Variants in LMO7 observed in about 807,000 individuals in gnomAD.
The protein encoded by LMO7 is LIM domain only protein 7.
LMO7 carries 120 observed loss-of-function variants against 206.5 expected under a neutral mutation model. That is an observed-to-expected ratio of 0.58 (90% confidence interval 0.50 to 0.68). LMO7 has a LOEUF of 0.68. LMO7 is among the 30% of genes least tolerant of loss of function. The pLI is 0.00. For synonymous variants in LMO7, 706 were observed against 681.5 expected, an observed-to-expected ratio of 1.04 and a Z score of -0.56; for missense variants, 1,959 against 1,957.9, an observed-to-expected ratio of 1.00 and a Z score of -0.01.
chr13:75,740,360 G>C (rs1255812812), intron 3 of LMO7, among the ~76,000 whole-genome samples: 1 of 152,210 alleles, frequency 6.6e-6, no homozygotes, highest in East Asian at 1.9e-4. Context: ...AGGTCAAGGC[G>C]GGAGGATTGC....
At chr13:75,678,139 A>G (rs2040179684) in intron 1 of LMO7, among the ~76,000 whole-genome samples, 1 of 152,090 alleles carries the variant, frequency 6.6e-6, no homozygotes. Context: ...ATGATTTATA[A>G]TCCTTTGGGT....
intron 19 of LMO7, among the ~76,000 whole-genome samples, chr13:75,836,789 A>C (rs761049889): frequency 4.6e-5 from 7 of 152,196 alleles, no homozygotes; most frequent in Non-Finnish European, 8.8e-5. Context: ...TTAGTTAAGC[A>C]TGAAACTATG....
At chr13:75,804,123 C>T in intron 7 of LMO7, 166 bp from the exon 8 acceptor site, 2 of 664,346 alleles carry the variant, frequency 3.0e-6, no homozygotes, top group Admixed American at 5.8e-5. Context: ...CAAGTTCCTC[C>T]TAATGGATCT....
chr13:75,627,140 A>C (rs9573593), intron 2 of LMO7: 2 of 152,330 alleles, frequency 1.3e-5, no homozygotes, highest in East Asian at 3.9e-4. Context: ...ATGGTCCTCC[A>C]ACTTACGATT....
chr13:75,641,886 C>T (rs2036572351), intron 1 of LMO7, among the ~76,000 whole-genome samples: 1 of 151,986 alleles, frequency 6.6e-6, no homozygotes, highest in Non-Finnish European at 1.5e-5. Context: ...TCTCAAACTC[C>T]TGGCCTCAAG....
chr13:75,774,653 A>G (rs1009740667), intron 4 of LMO7, among the ~76,000 whole-genome samples: 3 of 152,106 alleles, frequency 2.0e-5, no homozygotes, highest in African/African-American at 7.2e-5. Context: ...GGCTGTTTTA[A>G]TATACATTAT....
intron 28 of LMO7, among the ~76,000 whole-genome samples, chr13:75,853,812 C>T (rs1378460648): frequency 1.3e-5 from 2 of 152,198 alleles, no homozygotes; most frequent in Non-Finnish European, 2.9e-5. Context: ...CTCACAGGAA[C>T]TGAGTGTAAA....
At chr13:75,740,931 A>G (rs753125731) in intron 3 of LMO7, among the ~76,000 whole-genome samples, 5 of 152,206 alleles carry the variant, frequency 3.3e-5, no homozygotes, top group Non-Finnish European at 7.3e-5. Context: ...GTAAATTATC[A>G]TGGTCTTTAA....
intron 1 of LMO7, among the ~76,000 whole-genome samples, chr13:75,677,618 G>A (rs1399842725): frequency 3.3e-5 from 5 of 149,394 alleles, no homozygotes; most frequent in Non-Finnish European, 5.9e-5. Context: ...CGTCCCAATA[G>A]AAGTCTTTGT....
intron 1 of LMO7, among the ~76,000 whole-genome samples, chr13:75,653,469 T>G (rs1439009417): frequency 6.6e-6 from 1 of 152,016 alleles, no homozygotes; most frequent in African/African-American, 2.4e-5. Context: ...TGAAGGGAGG[T>G]GCCAAACCAT....
In LMO7 at chr13:75,853,405, TTC is replaced by T. The variant is rs1239193441; in HGVS notation, c.4661+21_4661+22del. The T allele has an allele frequency of 6.5e-7, 1 of 1,535,928 alleles. No individual in the cohort carries two copies. The highest frequency in any genetic ancestry group is 2.1e-5 in the Admixed American group (1 of 48,658). On this transcript the variant is annotated intron_variant, in intron 28 of 30. Transcript: ENST00000377534. ...GCGTAACAGGTGAGGCCCTTGCTGT[TTC>T]TCTTTCTTCTCTTAGTCTTGGGTAT...
chr13:75,743,753 G>T (rs777088636), intron 3 of LMO7, among the ~76,000 whole-genome samples: 18 of 151,950 alleles, frequency 1.2e-4, no homozygotes, highest in Non-Finnish European at 1.6e-4. Context: ...TGAGTGCTAG[G>T]CTTAGTACCT....
At chr13:75,749,568 C>A (rs568320837) in intron 3 of LMO7, among the ~76,000 whole-genome samples, 164 of 152,218 alleles carry the variant, frequency 1.1e-3, no homozygotes, top group Middle Eastern at 0.01. Flanking sequence ...TTTACCAGAA[C>A]GCTCAGCCCT....
chr13:75,835,404 A>G, intron 18 of LMO7, 65 bp downstream of exon 18: 2 of 1,004,842 alleles, frequency 2.0e-6, no homozygotes, highest in African/African-American at 1.7e-5. Flanking sequence ...TTGTGTATGG[A>G]AGAAAATAAT....
intron 4 of LMO7, among the ~76,000 whole-genome samples, chr13:75,775,258 T>C (rs2050223220): frequency 6.6e-6 from 1 of 152,086 alleles, no homozygotes; most frequent in South Asian, 2.1e-4. Flanking sequence ...GATAGCCATA[T>C]GCAGAAGAAT....
At chr13:75,761,988 C>G (rs554942558) in intron 4 of LMO7, among the ~76,000 whole-genome samples, 1 of 152,170 alleles carries the variant, frequency 6.6e-6, no homozygotes, top group South Asian at 2.1e-4. Flanking sequence ...AATTGGATGA[C>G]CAATTATTTT....
At chr13:75,680,504 A>G (rs1015384276) in intron 1 of LMO7, among the ~76,000 whole-genome samples, 4 of 151,722 alleles carry the variant, frequency 2.6e-5, no homozygotes, top group African/African-American at 9.7e-5. Context: ...ACTAATTTAC[A>G]TTCCTTCCAA....
intron 1 of LMO7, among the ~76,000 whole-genome samples, chr13:75,712,104 A>G (rs953514155): frequency 9.2e-5 from 14 of 152,190 alleles, no homozygotes; most frequent in African/African-American, 2.9e-4. Flanking sequence ...ATGAAGATAC[A>G]TAGGGATTCT....
At chr13:75,703,011 C>G (rs190692852) in intron 1 of LMO7, among the ~76,000 whole-genome samples, 2 of 152,184 alleles carry the variant, frequency 1.3e-5, no homozygotes, top group South Asian at 4.1e-4. Flanking sequence ...GATATACTTT[C>G]ATGTACTCTT....
Sources: allele counts gnomAD v4.1 joint callset (sites outside exome capture counted in the v4.1 genomes callset), GRCh38; gene constraint gnomAD v4.1.1; transcripts MANE v1.5; gene names NCBI Gene and HGNC (gene_info 2026-07-23, HGNC 2026-07-21).